ZNF423: variants seen among roughly 807,000 people sequenced by gnomAD.
ZNF423 encodes the protein Ebf-associated zinc finger protein.
Under a neutral mutation model 95.8 loss-of-function variants are expected in ZNF423, and 12 were observed. The observed-to-expected ratio is 0.13, with a 90% CI of 0.08 to 0.20. ZNF423 has a LOEUF of 0.20. Ranked by LOEUF, ZNF423 falls within the 10% of genes least tolerant of loss-of-function variation. The probability of loss-of-function intolerance (pLI) is 1.00; values close to 1 mark genes in which losing one functional copy is unlikely to be tolerated. For missense variants in ZNF423, 1,316 were observed against 1,737.1 expected (o/e 0.76, Z 4.31); for synonymous variants, 749 against 711.9 (o/e 1.05, Z -0.83).
At chr16:49,718,801 T>G (rs1285329745) in intron 3 of ZNF423, among the ~76,000 whole-genome samples, 4 of 152,142 alleles carry the variant, frequency 2.6e-5, no homozygotes, top group African/African-American at 4.8e-5. Flanking sequence ...ACTCATCCCA[T>G]TCTTCCAGAG....
intron 5 of ZNF423, among the ~76,000 whole-genome samples, chr16:49,618,489 C>G (rs1396947923): frequency 6.6e-6 from 1 of 152,136 alleles, no homozygotes; most frequent in Non-Finnish European, 1.5e-5. Context: ...TGAGTTCTCA[C>G]AAGATCTGAT....
intron 2 of ZNF423, among the ~76,000 whole-genome samples, chr16:49,741,429 C>G (rs748019290): frequency 2.6e-5 from 4 of 151,974 alleles, no homozygotes; most frequent in Non-Finnish European, 4.4e-5. Context: ...ATCACTTGAA[C>G]CTGGGAGGCA....
chr16:49,557,441 C>G lies in ZNF423; in HGVS notation c.3602-31947G>C, dbSNP rs116929702. On this transcript the variant is annotated intron_variant, in intron 5 of 7. Transcript: ENST00000563137. ...TGAGAAGGAGGAACTCCCGGGGCCA[C>G]CAGGGCTAGGGGAATTACATGAGGG... is the stretch of plus-strand genomic sequence containing the variant. 3.0e-4 allele frequency among the ~76,000 whole-genome samples: 45 copies of G among 152,266 alleles called. No individual in the cohort carries two copies. The East Asian group carries it at 6.8e-3, about 23-fold the overall frequency.
At chr16:49,495,644 G>A (rs1288871179) in intron 7 of ZNF423, among the ~76,000 whole-genome samples, 1 of 152,182 alleles carries the variant, frequency 6.6e-6, no homozygotes, top group East Asian at 1.9e-4. Flanking sequence ...GAAGGAGCGG[G>A]CCAGAGTACA....
At chr16:49,703,411 G>A (rs1384629947) in intron 3 of ZNF423, among the ~76,000 whole-genome samples, 2 of 152,174 alleles carry the variant, frequency 1.3e-5, no homozygotes, top group Admixed American at 6.5e-5. Flanking sequence ...CCCAGGGCAG[G>A]GTGCCCATCC....
intron 5 of ZNF423, among the ~76,000 whole-genome samples, chr16:49,610,019 G>A (rs1971672045): frequency 6.6e-6 from 1 of 152,196 alleles, no homozygotes; most frequent in Admixed American, 6.5e-5. Context: ...GAGGCAAGAA[G>A]GAAGTGGCAG....
intron 2 of ZNF423, among the ~76,000 whole-genome samples, chr16:49,743,046 A>T (rs991625083): frequency 2.0e-5 from 3 of 152,090 alleles, no homozygotes; most frequent in African/African-American, 7.2e-5. Context: ...AAGCAATTTT[A>T]AAAACCATGC....
chr16:49,535,427 T>G (rs570019746), intron 5 of ZNF423, among the ~76,000 whole-genome samples: 2 of 152,290 alleles, frequency 1.3e-5, no homozygotes, highest in Admixed American at 6.5e-5. Flanking sequence ...TCCCGGCTCT[T>G]TGAGCGATCA....
At position 49,570,124 on chromosome 16, in the gene ZNF423, A is replaced by T. The variant is rs544636722; in HGVS notation, c.3602-44630T>A. Among the ~76,000 whole-genome samples, 4 of 152,314 alleles carry T rather than the reference A, an allele frequency of 2.6e-5. No homozygotes were observed. The South Asian group carries it at 8.3e-4, about 32-fold the overall frequency. ...CTGCTCCCAGAAACTCACAAATGAC[A>T]CTGGCACACTCGTGAGATGCATTTG... On this transcript the variant is annotated intron_variant, in intron 5 of 7. Coordinates refer to ENST00000563137, the MANE Select transcript of ZNF423 (RefSeq NM_001379286.1).
At chr16:49,677,376 G>A (rs1212638204) in intron 3 of ZNF423, among the ~76,000 whole-genome samples, 1 of 35,334 alleles carries the variant, frequency 2.8e-5, no homozygotes, top group African/African-American at 1.1e-4. Context: ...GAGGGTAGGA[G>A]GGGAGGGGAG....
At chr16:49,750,952 G>A (rs1283023704) in intron 2 of ZNF423, among the ~76,000 whole-genome samples, 1 of 152,096 alleles carries the variant, frequency 6.6e-6, no homozygotes, top group Non-Finnish European at 1.5e-5. Context: ...AGAACCAAGC[G>A]GAGGCCAGTG....
chr16:49,557,781 C>T (rs752436978), intron 5 of ZNF423, among the ~76,000 whole-genome samples: 12 of 152,160 alleles, frequency 7.9e-5, no homozygotes, highest in Non-Finnish European at 2.9e-5. Flanking sequence ...AGGATGAGCA[C>T]GCAGGAGGCC....
intron 3 of ZNF423, among the ~76,000 whole-genome samples, chr16:49,653,326 A>AAAG (rs1216746542): frequency 6.6e-6 from 1 of 151,784 alleles, no homozygotes; most frequent in Non-Finnish European, 1.5e-5. Flanking sequence ...AAAAAAAAAA[A>AAAG]AAAAAGAATT....
At chr16:49,758,379 T>C (rs1240762369) in intron 2 of ZNF423, among the ~76,000 whole-genome samples, 2 of 152,138 alleles carry the variant, frequency 1.3e-5, no homozygotes, top group Non-Finnish European at 2.9e-5. Flanking sequence ...ACTCAAGTGA[T>C]CCACCCCCCT....
At chr16:49,497,326 T>C (rs1967203062) in intron 7 of ZNF423, among the ~76,000 whole-genome samples, 1 of 152,162 alleles carries the variant, frequency 6.6e-6, no homozygotes, top group South Asian at 2.1e-4. Context: ...CACAGACAGG[T>C]TGAGAAGCTC....
chr16:49,755,101 G>C (rs1201710545), intron 2 of ZNF423, among the ~76,000 whole-genome samples: 1 of 152,212 alleles, frequency 6.6e-6, no homozygotes, highest in Non-Finnish European at 1.5e-5. Flanking sequence ...ATCGAAAAGA[G>C]GTGGCTGGGA....
chr16:49,515,876 G>A (rs1968115715), intron 7 of ZNF423, among the ~76,000 whole-genome samples: 1 of 152,170 alleles, frequency 6.6e-6, no homozygotes, highest in African/African-American at 2.4e-5. Context: ...AGAGACAGCT[G>A]GGCTGGTGGG....
intron 1 of ZNF423, among the ~76,000 whole-genome samples, chr16:49,831,194 T>C (rs2035057249): frequency 6.6e-6 from 1 of 152,132 alleles, no homozygotes; most frequent in Non-Finnish European, 1.5e-5. Context: ...AGCGTTATGC[T>C]TAATGACACC....
chr16:49,507,620 T>G (rs1463838380), intron 7 of ZNF423, among the ~76,000 whole-genome samples: 1 of 133,280 alleles, frequency 7.5e-6, no homozygotes, highest in Non-Finnish European at 1.6e-5. Flanking sequence ...CCCAAATGAG[T>G]AGAACACATT....
Sources: allele counts gnomAD v4.1 joint callset (sites outside exome capture counted in the v4.1 genomes callset), GRCh38; gene constraint gnomAD v4.1.1; transcripts MANE v1.5; gene names NCBI Gene and HGNC (gene_info 2026-07-23, HGNC 2026-07-21).